The following PDZD2 variants were observed in gnomAD, a reference collection of about 807,000 sequenced individuals.
PDZD2 encodes the protein PDZ domain-containing protein 2.
A neutral mutation model predicts 220.7 loss-of-function variants in PDZD2; 90 were observed. The observed-to-expected ratio is 0.41, with a 90% CI of 0.34 to 0.49. PDZD2 has a LOEUF of 0.49. Among genes scored for constraint, PDZD2 ranks in the 20% least tolerant of loss-of-function variants. The pLI, the probability that PDZD2 is intolerant of heterozygous loss-of-function variation, is 0.28. For missense variants in PDZD2, 3,174 were observed against 3,608.5 expected (o/e 0.88, Z 3.08); for synonymous variants, 1,375 against 1,450.5 (o/e 0.95, Z 1.18).
intron 14 of PDZD2, among the ~76,000 whole-genome samples, chr5:32,068,093 A>G (rs1453700453): frequency 6.6e-6 from 1 of 152,180 alleles, no homozygotes; most frequent in Non-Finnish European, 1.5e-5. Flanking sequence ...ATTGACCCTT[A>G]GTGCCTCTGA....
chr5:31,746,875 A>G (rs1278378653), intron 1 of PDZD2, among the ~76,000 whole-genome samples: 1 of 152,244 alleles, frequency 6.6e-6, no homozygotes, highest in Non-Finnish European at 1.5e-5. Context: ...TTTATTTCAT[A>G]TAAGTTTTGT....
At chr5:31,941,909 G>A (rs994424233) in intron 2 of PDZD2, among the ~76,000 whole-genome samples, 7 of 152,192 alleles carry the variant, frequency 4.6e-5, no homozygotes, top group African/African-American at 1.7e-4. Flanking sequence ...ATTTCAAAAT[G>A]GGGATAGAAT....
chr5:32,072,380 CCTCTGTGCTGG>C, intron 17 of PDZD2, 63 bp downstream of exon 17: 1 of 1,304,020 alleles, frequency 7.7e-7, no homozygotes. Context: ...CTGGTTTCCA[CCTCTGTGCTGG>C]CGGCTACAAT....
intron 1 of PDZD2, among the ~76,000 whole-genome samples, chr5:31,793,604 C>T (rs557375632): frequency 8.2e-4 from 125 of 152,192 alleles, no homozygotes; most frequent in African/African-American, 2.8e-3. Flanking sequence ...ATCAGGAGTT[C>T]GAGACCAGCC....
intron 2 of PDZD2, among the ~76,000 whole-genome samples, chr5:31,972,027 C>T (rs558534299): frequency 6.6e-6 from 1 of 152,192 alleles, no homozygotes; most frequent in Non-Finnish European, 1.5e-5. Context: ...AGTCTTTATT[C>T]AATGTATTCT....
At chr5:31,697,017 T>G (rs1747407358) in intron 1 of PDZD2, among the ~76,000 whole-genome samples, 1 of 152,200 alleles carries the variant, frequency 6.6e-6, no homozygotes, top group African/African-American at 2.4e-5. Flanking sequence ...ATGTTACAAT[T>G]TAATTGTGCT....
intron 1 of PDZD2, among the ~76,000 whole-genome samples, chr5:31,761,119 G>A (rs1429710540): frequency 6.6e-6 from 1 of 152,046 alleles, no homozygotes; most frequent in Admixed American, 6.6e-5. Flanking sequence ...TGGAAAGGTG[G>A]GGGTTGAACT....
chr5:32,103,644 G>GTAT (rs1216566300), intron 24 of PDZD2: 3 of 152,240 alleles, frequency 2.0e-5, no homozygotes, highest in Non-Finnish European at 4.4e-5. Flanking sequence ...TAAAATGGAG[G>GTAT]TATTTTAAGA....
rs1319084015 is a variant in PDZD2 at position 32,109,102 on chromosome 5, A to C, written c.*967A>C. The C allele has an allele frequency of 6.6e-6, 1 of 151,996 alleles. No homozygotes were observed. The highest frequency in any genetic ancestry group is 1.5e-5 in the Non-Finnish European group (1 of 68,018). The allele number at this position is 151,996 out of a possible 1,614,324, so 9.4% of individuals were successfully genotyped here. A position where few individuals can be genotyped will look rare whatever the true frequency, so the allele number is the denominator to read the frequency against. On this transcript the variant is annotated 3_prime_UTR_variant, in exon 25 of 25. Transcript: ENST00000438447. ...TGCACTCCAACCATGAATTTAAACTAAATTTTTAGAAATCAAGTATCTTTC... is the reference window on the plus strand; with the variant it reads ...TGCACTCCAACCATGAATTTAAACTCAATTTTTAGAAATCAAGTATCTTTC...
chr5:31,717,256 A>G (rs1324746569), intron 1 of PDZD2, among the ~76,000 whole-genome samples: 1 of 152,156 alleles, frequency 6.6e-6, no homozygotes, highest in African/African-American at 2.4e-5. Context: ...GGAGGCCCTC[A>G]GTTAATGTTT....
chr5:31,960,782 T>C (rs954346302), intron 2 of PDZD2, among the ~76,000 whole-genome samples: 2 of 152,246 alleles, frequency 1.3e-5, no homozygotes, highest in African/African-American at 4.8e-5. Context: ...GTTGTTTTTT[T>C]CATTTACGTA....
At chr5:31,921,991 G>C (rs1372857856) in intron 2 of PDZD2, among the ~76,000 whole-genome samples, 1 of 152,076 alleles carries the variant, frequency 6.6e-6, no homozygotes, top group Non-Finnish European at 1.5e-5. Flanking sequence ...CCACATTCTT[G>C]TGTCTTTTGT....
At chr5:31,871,751 T>C (rs895298033) in intron 2 of PDZD2, among the ~76,000 whole-genome samples, 1 of 152,252 alleles carries the variant, frequency 6.6e-6, no homozygotes, top group East Asian at 1.9e-4. Flanking sequence ...GCCTGGCCCG[T>C]ACTTGAGCTT....
intron 1 of PDZD2, among the ~76,000 whole-genome samples, chr5:31,696,650 G>A (rs1052654400): frequency 6.6e-6 from 1 of 152,128 alleles, no homozygotes; most frequent in African/African-American, 2.4e-5. Flanking sequence ...GACTTGAGGG[G>A]CTTCGGCAAG....
At chr5:31,933,243 A>G (rs1166828859) in intron 2 of PDZD2, among the ~76,000 whole-genome samples, 1 of 152,158 alleles carries the variant, frequency 6.6e-6, no homozygotes, top group African/African-American at 2.4e-5. Flanking sequence ...TCATCCAAGT[A>G]GTAGCATGTG....
chr5:32,064,249 T>C (rs922147041), intron 14 of PDZD2, among the ~76,000 whole-genome samples: 1 of 151,940 alleles, frequency 6.6e-6, no homozygotes, highest in African/African-American at 2.4e-5. Context: ...TTTTTTTTTT[T>C]TCTCTTTTTT....
chr5:32,046,812 G>A (rs1319361310), intron 7 of PDZD2, among the ~76,000 whole-genome samples: 3 of 152,166 alleles, frequency 2.0e-5, no homozygotes, highest in Non-Finnish European at 2.9e-5. Context: ...GGAGGCCAAG[G>A]CAGGTAGACC....
chr5:32,010,860 G>A (rs1025110863), intron 6 of PDZD2, among the ~76,000 whole-genome samples: 1 of 151,616 alleles, frequency 6.6e-6, no homozygotes, highest in Non-Finnish European at 1.5e-5. Context: ...GCCAGGCATG[G>A]TGGTGCATGC....
chr5:31,763,276 C>T (rs10074317), intron 1 of PDZD2, among the ~76,000 whole-genome samples: 5,969 of 152,104 alleles, frequency 0.039, 365 homozygotes, highest in African/African-American at 0.13. Flanking sequence ...CTAGGGCCTC[C>T]GGTATCAGGC....
Sources: allele counts gnomAD v4.1 joint callset (sites outside exome capture counted in the v4.1 genomes callset), GRCh38; gene constraint gnomAD v4.1.1; transcripts MANE v1.5; gene names NCBI Gene and HGNC (gene_info 2026-07-23, HGNC 2026-07-21).